TEX36: variants seen among roughly 807,000 people sequenced by gnomAD.
TEX36 encodes testis-expressed protein 36.
Under a neutral mutation model 13.6 loss-of-function variants are expected in TEX36, and 12 were observed. That is an observed-to-expected ratio of 0.88 (90% CI 0.56 to 1.43). The LOEUF (loss-of-function observed/expected upper bound fraction) is 1.43. Ranked by LOEUF, TEX36 falls within the 40% of genes most tolerant of loss-of-function variation. TEX36 has a pLI of 0.00. For missense variants in TEX36, 224 were observed against 228.3 expected (o/e 0.98, Z 0.12); for synonymous variants, 93 against 83.0 (o/e 1.12, Z -0.65).
At chr10:125,588,389 A>G (rs2133529793) in intron 3 of TEX36, among the ~76,000 whole-genome samples, 1 of 152,336 alleles carries the variant, frequency 6.6e-6, no homozygotes, top group East Asian at 1.9e-4. Context: ...TTAGAGAAAT[A>G]CCTGAGGCTA....
intron 1 of TEX36, chr10:125,666,881 G>C (rs1412624516): frequency 2.5e-6 from 1 of 400,016 alleles, no homozygotes; most frequent in African/African-American, 2.1e-5. Flanking sequence ...CCACTTAGTA[G>C]GTATGGTTAG....
At chr10:125,671,246 C>T (rs189619180) in intron 1 of TEX36, among the ~76,000 whole-genome samples, 2 of 152,278 alleles carry the variant, frequency 1.3e-5, no homozygotes, top group East Asian at 1.9e-4. Flanking sequence ...TTTTACCCAT[C>T]CAGTATGACA....
At chr10:125,635,171 A>G (rs1263454142) in intron 3 of TEX36, among the ~76,000 whole-genome samples, 2 of 152,196 alleles carry the variant, frequency 1.3e-5, no homozygotes, top group Non-Finnish European at 2.9e-5. Flanking sequence ...GAGTCTTGCC[A>G]AGAAGCAGGC....
intron 3 of TEX36, among the ~76,000 whole-genome samples, chr10:125,631,637 TTGAATGACAGG>T (rs1446315888): frequency 6.6e-6 from 1 of 152,198 alleles, no homozygotes; most frequent in Non-Finnish European, 1.5e-5. Context: ...CACCTGGGTC[TTGAATGACAGG>T]TGAACAGGAT....
chr10:125,635,528 T>A (rs1276264136), intron 3 of TEX36, among the ~76,000 whole-genome samples: 2 of 152,292 alleles, frequency 1.3e-5, no homozygotes, highest in African/African-American at 4.8e-5. Context: ...TGCTCTTTGC[T>A]AGCTCCCCTG....
chr10:125,678,864 G>A (rs1430930208), intron 1 of TEX36, among the ~76,000 whole-genome samples: 3 of 152,104 alleles, frequency 2.0e-5, no homozygotes, highest in Non-Finnish European at 4.4e-5. Flanking sequence ...GCCCGGCTGG[G>A]TGGGCTTGCG....
intron 3 of TEX36, among the ~76,000 whole-genome samples, chr10:125,592,199 C>T (rs544925432): frequency 7.2e-5 from 11 of 152,206 alleles, no homozygotes; most frequent in Admixed American, 7.2e-4. Context: ...CCTAAACCCT[C>T]CCGCTGGGAG....
At chr10:125,642,643 A>C (rs1001054634) in intron 3 of TEX36, among the ~76,000 whole-genome samples, 2 of 152,156 alleles carry the variant, frequency 1.3e-5, no homozygotes, top group African/African-American at 4.8e-5. Flanking sequence ...ATATTGACTT[A>C]CATCTTAAGA....
chr10:125,611,901 T>A (rs752217727), intron 3 of TEX36, among the ~76,000 whole-genome samples: 1 of 151,986 alleles, frequency 6.6e-6, no homozygotes, highest in South Asian at 2.1e-4. Context: ...ATTTCCCCAG[T>A]CAGGTAAAAT....
At chr10:125,630,681 A>T (rs1846541612) in intron 3 of TEX36, among the ~76,000 whole-genome samples, 1 of 152,126 alleles carries the variant, frequency 6.6e-6, no homozygotes, top group South Asian at 2.1e-4. Context: ...ATGCATGTCG[A>T]TGGGAAACTA....
chr10:125,605,118 A>AG (rs1846199314), intron 3 of TEX36, among the ~76,000 whole-genome samples: 1 of 152,224 alleles, frequency 6.6e-6, no homozygotes, highest in Non-Finnish European at 1.5e-5. Flanking sequence ...TCTCTGGTAC[A>AG]GGGGAGAAGG....
At chr10:125,631,701 T>C (rs1846556610) in intron 3 of TEX36, among the ~76,000 whole-genome samples, 1 of 152,282 alleles carries the variant, frequency 6.6e-6, no homozygotes, top group Non-Finnish European at 1.5e-5. Context: ...GGGAGAAGCA[T>C]TCTAGGTACA....
intron 3 of TEX36, among the ~76,000 whole-genome samples, chr10:125,645,985 A>C (rs1846762066): frequency 6.6e-6 from 1 of 152,234 alleles, no homozygotes; most frequent in African/African-American, 2.4e-5. Context: ...ACAATGAAAA[A>C]TAACAACAAA....
intron 3 of TEX36, among the ~76,000 whole-genome samples, chr10:125,580,398 G>C (rs2133520890): frequency 6.6e-6 from 1 of 152,316 alleles, no homozygotes; most frequent in Admixed American, 6.5e-5. Flanking sequence ...ATTCATGCCT[G>C]ATAAATGGAA....
chr10:125,586,635 C>CAAAAAAAAAAAA (rs35078105), intron 3 of TEX36, among the ~76,000 whole-genome samples: 4 of 113,838 alleles, frequency 3.5e-5, no homozygotes, highest in Non-Finnish European at 6.8e-5. Context: ...ACTAAAAATC[C>CAAAAAAAAAAAA]AAAAAAAAAA....
intron 1 of TEX36, among the ~76,000 whole-genome samples, chr10:125,665,001 C>T (rs750531136): frequency 1.1e-4 from 16 of 152,074 alleles, no homozygotes; most frequent in Non-Finnish European, 2.1e-4. Flanking sequence ...ACCTGTTTGC[C>T]GTTTGCATGT....
At chr10:125,661,468 G>A (rs1203051603) in intron 2 of TEX36, among the ~76,000 whole-genome samples, 1 of 152,226 alleles carries the variant, frequency 6.6e-6, no homozygotes, top group Non-Finnish European at 1.5e-5. Context: ...CAGGAGATGA[G>A]AGCCCTGGCC....
At chr10:125,611,860 G>C (rs1210549407) in intron 3 of TEX36, among the ~76,000 whole-genome samples, 1 of 151,800 alleles carries the variant, frequency 6.6e-6, no homozygotes, top group Non-Finnish European at 1.5e-5. Context: ...AAAGGAAATT[G>C]TCCCTCAGGT....
At chr10:125,669,687 T>G (rs546899680) in intron 1 of TEX36, among the ~76,000 whole-genome samples, 3 of 152,358 alleles carry the variant, frequency 2.0e-5, no homozygotes, top group Admixed American at 6.5e-5. Context: ...GCTGCACCTA[T>G]CAACCTGTCA....
Sources: gnomAD v4.1 joint callset for allele counts (sites outside exome capture counted in the v4.1 genomes callset) on GRCh38, gnomAD v4.1.1 for gene constraint, MANE v1.5 for transcripts, NCBI Gene and HGNC (gene_info 2026-07-23, HGNC 2026-07-21) for gene names.